The following FRMD4A variants were observed in gnomAD, a reference collection of about 807,000 sequenced individuals.
The protein encoded by FRMD4A is FERM domain-containing protein 4A.
In FRMD4A, 29 loss-of-function variants were observed where a neutral mutation model predicts 129.1. The ratio of observed to expected loss-of-function variants is 0.22; its 90% CI spans 0.17 to 0.31. The LOEUF is 0.31. Among genes scored for constraint, FRMD4A ranks in the 10% least tolerant of loss-of-function variants. The probability of loss-of-function intolerance (pLI) is 1.00; values close to 1 mark genes in which losing one functional copy is unlikely to be tolerated. For missense variants in FRMD4A, 1,272 were observed against 1,375.8 expected, an observed-to-expected ratio of 0.92 and a Z score of 1.19; for synonymous variants, 634 against 571.6, an observed-to-expected ratio of 1.11 and a Z score of -1.56.
chr10:14,271,434 C>T (rs1000856990), intron 2 of FRMD4A, among the ~76,000 whole-genome samples: 1 of 152,226 alleles, frequency 6.6e-6, no homozygotes, highest in Non-Finnish European at 1.5e-5. Context: ...CCCACATTCA[C>T]ACTGGGACAT....
chr10:13,925,566 C>CTTTTTTTTTTTTTTTTTTT lies in FRMD4A; in HGVS notation c.46-66673_46-66655dup, dbSNP rs66980805. 6.6e-4 allele frequency among the ~76,000 whole-genome samples: 41 copies of CTTTTTTTTTTTTTTTTTTT among 61,948 alleles called. 7 individuals are homozygous for CTTTTTTTTTTTTTTTTTTT. The highest frequency in any genetic ancestry group is 1.3e-3 in the Admixed American group (5 of 3,810). The allele number at this position is 61,948 out of a possible 152,430, so 40.6% of individuals were successfully genotyped here. A position where few individuals can be genotyped will look rare whatever the true frequency, so the allele number is the denominator to read the frequency against. Reference sequence around the variant, plus strand: ...TGAAAGTTTCTATTGTAGTGAAACGCTTTTTTTTTTTTTTTTTTTTTTTTT... The same window carrying CTTTTTTTTTTTTTTTTTTT: ...TGAAAGTTTCTATTGTAGTGAAACGCTTTTTTTTTTTTTTTTTTTTTTTTTTTTTTTTTTTTTTTTTTTT... On this transcript the variant is annotated intron_variant, in intron 2 of 24. Transcript: ENST00000357447.
intron 3 of FRMD4A, among the ~76,000 whole-genome samples, chr10:13,852,997 T>C (rs1009626534): frequency 2.6e-5 from 4 of 152,174 alleles, no homozygotes; most frequent in African/African-American, 9.7e-5. Context: ...TTTGCTCCAC[T>C]TCTTGGAATC....
chr10:14,119,427 G>T (rs1278460414), intron 2 of FRMD4A, among the ~76,000 whole-genome samples: 1 of 152,206 alleles, frequency 6.6e-6, no homozygotes, highest in South Asian at 2.1e-4. Context: ...ATGCCTTGAT[G>T]TGCAGATATA....
At chr10:14,133,304 C>G (rs1473219805) in intron 2 of FRMD4A, among the ~76,000 whole-genome samples, 1 of 152,108 alleles carries the variant, frequency 6.6e-6, no homozygotes, top group Non-Finnish European at 1.5e-5. Flanking sequence ...AATAATGAAA[C>G]AGTTTGCTTT....
intron 2 of FRMD4A, among the ~76,000 whole-genome samples, chr10:13,993,767 T>A (rs1159591854): frequency 6.6e-6 from 1 of 152,180 alleles, no homozygotes; most frequent in East Asian, 1.9e-4. Flanking sequence ...TCTTCCTGTT[T>A]CCTCTAGCTG....
At chr10:14,185,615 G>A (rs906987846) in intron 2 of FRMD4A, among the ~76,000 whole-genome samples, 10 of 139,266 alleles carry the variant, frequency 7.2e-5, no homozygotes, top group South Asian at 2.2e-4. Flanking sequence ...AGACAGAAAG[G>A]GGATATATAC....
rs187268223 is a variant in FRMD4A, at chr10:13,866,030, G to A, written c.46-7118C>T. On this transcript the variant is annotated intron_variant, in intron 2 of 24. Coordinates refer to ENST00000357447, the MANE Select transcript of FRMD4A (RefSeq NM_018027.5). ...TCGTTGACATCCCCGTGAAAAGCAA[G>A]CCACCACGTTGTTTCTGATATTCAT... is the stretch of plus-strand genomic sequence containing the variant. 4.7e-4 allele frequency among the ~76,000 whole-genome samples: 72 copies of A among 152,142 alleles called. 1 individual carries two copies. Among genetic ancestry groups the A allele is most frequent in the Non-Finnish European group, 6.9e-4 (47 of 68,008 alleles).
At chr10:14,134,966 C>T (rs1839460434) in intron 2 of FRMD4A, among the ~76,000 whole-genome samples, 1 of 152,160 alleles carries the variant, frequency 6.6e-6, no homozygotes. Flanking sequence ...TTCTCAATTA[C>T]ATAAAAGGGA....
At chr10:13,880,800 G>A (rs1486308639) in intron 2 of FRMD4A, among the ~76,000 whole-genome samples, 1 of 152,054 alleles carries the variant, frequency 6.6e-6, no homozygotes, top group African/African-American at 2.4e-5. Flanking sequence ...CAAGACCCCT[G>A]TGTTTAAAAG....
At chr10:13,771,497 T>C (rs528053215) in intron 6 of FRMD4A, among the ~76,000 whole-genome samples, 107 of 152,312 alleles carry the variant, frequency 7.0e-4, no homozygotes, top group Middle Eastern at 6.8e-3. Context: ...GCAACAAAAC[T>C]CGGTGATTTC....
chr10:13,896,089 A>G (rs1272319331), intron 2 of FRMD4A, among the ~76,000 whole-genome samples: 3 of 152,240 alleles, frequency 2.0e-5, no homozygotes, highest in Non-Finnish European at 2.9e-5. Context: ...AATTAGTTCA[A>G]CCATTGTGGA....
At chr10:14,100,237 C>A (rs765136981) in intron 2 of FRMD4A, among the ~76,000 whole-genome samples, 6 of 152,164 alleles carry the variant, frequency 3.9e-5, no homozygotes, top group Non-Finnish European at 8.8e-5. Context: ...GAAACGTCTC[C>A]ATTTTCTATC....
intron 2 of FRMD4A, among the ~76,000 whole-genome samples, chr10:14,297,848 A>G (rs1846058960): frequency 6.6e-6 from 1 of 152,198 alleles, no homozygotes; most frequent in Non-Finnish European, 1.5e-5. Flanking sequence ...TATAGCGGCC[A>G]TGAATGGCGA....
At chr10:13,977,319 G>A (rs2095545442) in intron 2 of FRMD4A, among the ~76,000 whole-genome samples, 1 of 151,976 alleles carries the variant, frequency 6.6e-6, no homozygotes, top group Admixed American at 6.6e-5. Context: ...TCCAACACAA[G>A]ACTCAAACTG....
chr10:14,275,095 C>T (rs1305448373), intron 2 of FRMD4A, among the ~76,000 whole-genome samples: 1 of 152,212 alleles, frequency 6.6e-6, no homozygotes, highest in Non-Finnish European at 1.5e-5. Flanking sequence ...CAAACTGTGA[C>T]TCTAGCTGCT....
intron 2 of FRMD4A, among the ~76,000 whole-genome samples, chr10:14,114,118 G>A (rs1476415806): frequency 4.6e-5 from 7 of 152,240 alleles, no homozygotes; most frequent in Non-Finnish European, 1.0e-4. Context: ...TTCTCTGAAA[G>A]GTCACTCACT....
chr10:13,677,206 C>T (rs965149021), intron 15 of FRMD4A, among the ~76,000 whole-genome samples: 3 of 152,178 alleles, frequency 2.0e-5, no homozygotes, highest in Non-Finnish European at 4.4e-5. Context: ...AACATTTTAA[C>T]TCTAACATGG....
At chr10:14,059,268 C>G (rs1395792321) in intron 2 of FRMD4A, among the ~76,000 whole-genome samples, 1 of 152,176 alleles carries the variant, frequency 6.6e-6, no homozygotes, top group African/African-American at 2.4e-5. Context: ...GAATAATGTA[C>G]AGGCTAGAGG....
Position 14,171,242 on chromosome 10 carries a change from C to T in FRMD4A, c.45+158816G>A, listed in dbSNP as rs978076889. On this transcript the variant is annotated intron_variant, in intron 2 of 24. Transcript: ENST00000357447. ...TCTTTTTTTCTTGCTTTTTTCACCCCTGCCTCTGCAAACATCATTTGCTAT... is the reference window on the plus strand; with the variant it reads ...TCTTTTTTTCTTGCTTTTTTCACCCTTGCCTCTGCAAACATCATTTGCTAT... 2.6e-5 allele frequency among the ~76,000 whole-genome samples: 4 copies of T among 152,098 alleles called. No homozygotes were observed. In the East Asian group the frequency reaches 7.7e-4, roughly 29 times the overall value.
Sources: allele counts gnomAD v4.1 joint callset (sites outside exome capture counted in the v4.1 genomes callset), GRCh38; gene constraint gnomAD v4.1.1; transcripts MANE v1.5; gene names NCBI Gene and HGNC (gene_info 2026-07-23, HGNC 2026-07-21).